The following PRKN variants were observed in gnomAD, a reference collection of about 807,000 sequenced individuals.
PRKN encodes the protein parkin RBR E3 ubiquitin protein ligase.
In PRKN, 56 loss-of-function variants were observed where a neutral mutation model predicts 59.5. That is an observed-to-expected ratio of 0.94 (90% CI 0.76 to 1.18). The LOEUF (loss-of-function observed/expected upper bound fraction) is 1.18, where lower values mean the gene tolerates loss of function less well. Ranked by LOEUF, PRKN falls within the 50% of genes most tolerant of loss-of-function variation. PRKN has a pLI of 0.00. For synonymous variants in PRKN, 250 were observed against 222.1 expected (o/e 1.13, Z -1.12); for missense variants, 657 against 596.4 (o/e 1.10, Z -1.06).
At chr6:162,541,315 G>A (rs1778918371) in intron 1 of PRKN, among the ~76,000 whole-genome samples, 2 of 152,214 alleles carry the variant, frequency 1.3e-5, no homozygotes, top group Admixed American at 1.3e-4. Context: ...TGACATTTCA[G>A]GAAGGCCTAA....
intron 1 of PRKN, among the ~76,000 whole-genome samples, chr6:162,446,650 T>C (rs1790329587): frequency 6.6e-6 from 1 of 152,102 alleles, no homozygotes; most frequent in South Asian, 2.1e-4. Context: ...ACCAAATACA[T>C]AATATTTGAC....
rs545272196 is a variant in PRKN, at chr6:161,395,379, G to A, written c.1084-8502C>T. ...CTTCGTTCATTTCACCAGCCCCTCC[G>A]ATCAGCATTTAGGTCCTTCCAATAT... On this transcript the variant is annotated intron_variant, in intron 9 of 11. Coordinates refer to ENST00000366898, the MANE Select transcript of PRKN (RefSeq NM_004562.3). This position sits in a 1 kb window ranked among gnomAD's most constrained non-coding sequence, Gnocchi z 5.0. Among the ~76,000 whole-genome samples the A allele has an allele frequency of 6.2e-4, 95 of 152,180 alleles. No homozygotes were observed. Among genetic ancestry groups the A allele is most frequent in the African/African-American group, 2.2e-3 (92 of 41,522 alleles).
At chr6:162,215,480 T>G (rs1195139370) in intron 3 of PRKN, among the ~76,000 whole-genome samples, 2 of 152,190 alleles carry the variant, frequency 1.3e-5, no homozygotes, top group Non-Finnish European at 2.9e-5. Context: ...GTCAGGATTC[T>G]AAACTAAATG....
At chr6:161,777,856 GTA>G (rs1254530871) in intron 7 of PRKN, among the ~76,000 whole-genome samples, 1 of 143,030 alleles carries the variant, frequency 7.0e-6, no homozygotes, top group African/African-American at 2.6e-5. Flanking sequence ...GTATATATGT[GTA>G]TATATGTATA....
chr6:161,631,193 G>C (rs1783294783), intron 7 of PRKN, among the ~76,000 whole-genome samples: 1 of 152,230 alleles, frequency 6.6e-6, no homozygotes, highest in Admixed American at 6.5e-5. Context: ...GCATGAGCTA[G>C]TGCTTACTGA....
rs75788667 is a variant in PRKN, at chr6:162,104,122, G to A, written c.535-49948C>T. Among the ~76,000 whole-genome samples the A allele has an allele frequency of 7.4e-4, 113 of 152,268 alleles. No homozygotes were observed. In the East Asian group the frequency reaches 0.017, roughly 23 times the overall value. On this transcript the variant is annotated intron_variant, in intron 4 of 11. Coordinates refer to ENST00000366898, the MANE Select transcript of PRKN (RefSeq NM_004562.3). The stretch of plus-strand genomic sequence containing the variant: ...TTCAATCTCAGCTCTACCACTTACT[G>A]CATGACTCAGTTTGTTTGTCTTGTG...
intron 4 of PRKN, among the ~76,000 whole-genome samples, chr6:162,186,989 C>T (rs1484602131): frequency 6.6e-6 from 1 of 152,102 alleles, no homozygotes; most frequent in Non-Finnish European, 1.5e-5. Flanking sequence ...CAGGTCTGAC[C>T]CGAGTCCCAC....
intron 7 of PRKN, among the ~76,000 whole-genome samples, chr6:161,687,607 C>T (rs954770751): frequency 6.7e-6 from 1 of 150,162 alleles, no homozygotes; most frequent in African/African-American, 2.5e-5. Context: ...CAGGCGCGAA[C>T]CACCACGCCC....
At chr6:162,127,439 A>G (rs1781168848) in intron 4 of PRKN, among the ~76,000 whole-genome samples, 1 of 152,218 alleles carries the variant, frequency 6.6e-6, no homozygotes, top group Non-Finnish European at 1.5e-5. Flanking sequence ...AAGGTTCAAA[A>G]ATCAGTAGGC....
chr6:161,751,577 C>T (rs891882622), intron 7 of PRKN, among the ~76,000 whole-genome samples: 6 of 152,106 alleles, frequency 3.9e-5, no homozygotes, highest in South Asian at 2.1e-4. Flanking sequence ...TTAAAAATTA[C>T]GGCAGCATAA....
At chr6:162,157,285 C>T (rs1182431465) in intron 4 of PRKN, among the ~76,000 whole-genome samples, 1 of 151,850 alleles carries the variant, frequency 6.6e-6, no homozygotes, top group African/African-American at 2.4e-5. Flanking sequence ...TTTGCCCTTC[C>T]ATGCTAGCTC....
intron 1 of PRKN, among the ~76,000 whole-genome samples, chr6:162,674,877 T>C (rs1779475731): frequency 6.6e-6 from 1 of 152,004 alleles, no homozygotes; most frequent in Non-Finnish European, 1.5e-5. Context: ...GCCAGCAATA[T>C]TGCTGAGGGA....
intron 7 of PRKN, among the ~76,000 whole-genome samples, chr6:161,745,695 A>C (rs1007509447): frequency 1.3e-5 from 2 of 152,208 alleles, no homozygotes; most frequent in African/African-American, 2.4e-5. Flanking sequence ...TTTCCAGATA[A>C]GAGAGGAGAC....
rs1267222648 is a variant in PRKN, at chr6:162,445,529, A to AT, written c.8-2057dup. On this transcript the variant is annotated intron_variant, in intron 1 of 11. Transcript: ENST00000366898. ...AAGTGAGACCCCATCTCTACAAAAA[A>AT]TTTTTTTAAACAATCAGCAGGGCGT... 5.2e-4 allele frequency among the ~76,000 whole-genome samples: 78 copies of AT among 151,406 alleles called. 3 individuals are homozygous for AT. The South Asian group carries it at 0.016, about 31-fold the overall frequency.
At chr6:162,014,488 C>CTT (rs1006442718) in intron 5 of PRKN, among the ~76,000 whole-genome samples, 6 of 152,192 alleles carry the variant, frequency 3.9e-5, no homozygotes, top group Admixed American at 3.9e-4. Flanking sequence ...TTTGAGCTCT[C>CTT]TTCACCTGGC....
intron 1 of PRKN, among the ~76,000 whole-genome samples, chr6:162,565,171 T>C (rs1780006086): frequency 6.6e-6 from 1 of 152,124 alleles, no homozygotes; most frequent in Non-Finnish European, 1.5e-5. Flanking sequence ...TCTTTGTTTA[T>C]GCAATTGGTG....
In PRKN at chr6:161,363,314, G is replaced by C. The variant is rs1307032468; in HGVS notation, c.1168-3109C>G. Among the ~76,000 whole-genome samples, 2 of 152,106 alleles carry C rather than the reference G, an allele frequency of 1.3e-5. No homozygotes were observed. The highest frequency in any genetic ancestry group is 2.9e-5 in the Non-Finnish European group (2 of 68,018). ...TAAATAAATAAAGGTGATGATAATG[G>C]AATAAGAGACTGTCACAATTAACCA... On this transcript the variant is annotated intron_variant, in intron 10 of 11. Coordinates refer to ENST00000366898, the MANE Select transcript of PRKN (RefSeq NM_004562.3). The surrounding 1 kb of genome is among the most constrained non-coding windows in gnomAD (Gnocchi z 4.1).
intron 5 of PRKN, among the ~76,000 whole-genome samples, chr6:162,013,124 T>C (rs964764416): frequency 1.3e-5 from 2 of 152,168 alleles, no homozygotes; most frequent in East Asian, 3.9e-4. Context: ...TCAATCCTTC[T>C]ACATGTGGAA....
At chr6:161,573,742 A>T (rs1562534705) in intron 7 of PRKN, among the ~76,000 whole-genome samples, 666 of 31,870 alleles carry the variant, frequency 0.021, 18 homozygotes, top group Non-Finnish European at 0.025. Flanking sequence ...AAAAAAAAAA[A>T]AAAAAAAAAA....
Sources: gnomAD v4.1 joint callset for allele counts (sites outside exome capture counted in the v4.1 genomes callset) on GRCh38, gnomAD v4.1.1 for gene constraint, Gnocchi (gnomAD v3.1) non-coding constraint, MANE v1.5 for transcripts, NCBI Gene and HGNC (gene_info 2026-07-23, HGNC 2026-07-21) for gene names.